Variants in ANO4 observed in about 807,000 individuals in gnomAD.
ANO4 encodes anoctamin 4.
A neutral mutation model predicts 141.9 loss-of-function variants in ANO4; 69 were observed. The observed-to-expected ratio is 0.49, with a 90% confidence interval of 0.40 to 0.59. The LOEUF (loss-of-function observed/expected upper bound fraction) is 0.59, where lower values mean the gene tolerates loss of function less well. ANO4 is among the 20% of genes least tolerant of loss of function. ANO4 has a pLI of 0.00. For missense variants in ANO4, 894 were observed against 1,162.2 expected, an observed-to-expected ratio of 0.77 and a Z score of 3.36; for synonymous variants, 350 against 394.3, an observed-to-expected ratio of 0.89 and a Z score of 1.33.
intron 14 of ANO4, among the ~76,000 whole-genome samples, chr12:101,066,275 G>A (rs1007370682): frequency 6.6e-6 from 1 of 152,122 alleles, no homozygotes; most frequent in Non-Finnish European, 1.5e-5. Flanking sequence ...AATCAAATAT[G>A]AGAAAGAAAT....
At chr12:101,109,334 A>G (rs2050570720) in intron 22 of ANO4, among the ~76,000 whole-genome samples, 1 of 152,182 alleles carries the variant, frequency 6.6e-6, no homozygotes, top group Admixed American at 6.5e-5. Flanking sequence ...AGGCCAAGGC[A>G]GGCGGATCAC....
intron 1 of ANO4, among the ~76,000 whole-genome samples, chr12:100,863,873 C>T (rs917448916): frequency 1.3e-5 from 2 of 152,162 alleles, no homozygotes; most frequent in African/African-American, 4.8e-5. Context: ...GTGGACTGAT[C>T]TCACTGCCTT....
At chr12:100,991,876 A>C (rs1027586342) in intron 8 of ANO4, among the ~76,000 whole-genome samples, 3 of 152,146 alleles carry the variant, frequency 2.0e-5, no homozygotes, top group African/African-American at 7.2e-5. Flanking sequence ...AGCTGACTGC[A>C]CACTCATCTC....
chr12:100,948,596 G>A (rs746226734), intron 5 of ANO4, among the ~76,000 whole-genome samples: 2 of 152,044 alleles, frequency 1.3e-5, no homozygotes, highest in Admixed American at 1.3e-4. Flanking sequence ...TTTGTAAAAT[G>A]ATTATTTAAA....
chr12:101,120,523 C>G lies in ANO4; in HGVS notation c.2574C>G (p.Tyr858Ter). Residue 858 changes from tyrosine to a stop codon, truncating the protein, a stop_gained, in exon 26 of 28, where the codon TAC becomes TAG. Coordinates refer to ENST00000392977, the MANE Select transcript of ANO4 (RefSeq NM_001286615.2). LOFTEE classifies it high-confidence loss of function. ...ACATTTTTCTGTGTCTTTATAGATACCGGGACTACCGTGACCCGCCTCATT... is the reference window on the plus strand; with the variant it reads ...ACATTTTTCTGTGTCTTTATAGATAGCGGGACTACCGTGACCCGCCTCATT... Reference protein sequence around the residue: ...FSGTPLKYCRYRDYRDPPHSL... With the variant: ...FSGTPLKYCR 1.3e-5 allele frequency: 21 copies of G among 1,613,314 alleles called. No individual in the cohort carries two copies. Among genetic ancestry groups the G allele is most frequent in the Non-Finnish European group, 1.8e-5 (21 of 1,179,416 alleles).
At chr12:101,001,391 A>G (rs1199982616) in intron 8 of ANO4, among the ~76,000 whole-genome samples, 1 of 152,238 alleles carries the variant, frequency 6.6e-6, no homozygotes, top group Non-Finnish European at 1.5e-5. Flanking sequence ...CCCATTGGTC[A>G]GTATTCTGTG....
At position 100,765,045 on chromosome 12, in the gene ANO4, T is replaced by C. The variant is rs142522136; in HGVS notation, c.358+24940T>C. Among the ~76,000 whole-genome samples the C allele has an allele frequency of 9.8e-5, 15 of 152,338 alleles. No individual in the cohort carries two copies. The East Asian group carries it at 2.9e-3, about 29-fold the overall frequency. Reference sequence around the variant, plus strand: ...GTTTAAGAGGGATTGGTTTTAATCCTTTAAATGTTTGGTAGACTTTACCAG... The same window carrying C: ...GTTTAAGAGGGATTGGTTTTAATCCCTTAAATGTTTGGTAGACTTTACCAG... On this transcript the variant is annotated intron_variant, in intron 3 of 29. Transcript: ENST00000644049.
chr12:101,024,932 C>T (rs1307425309), intron 9 of ANO4, among the ~76,000 whole-genome samples: 3 of 152,180 alleles, frequency 2.0e-5, no homozygotes, highest in Non-Finnish European at 4.4e-5. Flanking sequence ...AAAAGTGAAT[C>T]AGTGCATGTG....
intron 1 of ANO4, among the ~76,000 whole-genome samples, chr12:100,832,952 C>G (rs2036705548): frequency 6.6e-6 from 1 of 152,138 alleles, no homozygotes; most frequent in African/African-American, 2.4e-5. Flanking sequence ...AATATTTCAA[C>G]TCTTGTGTGA....
chr12:100,724,340 C>T (rs975767642), intron 1 of ANO4, among the ~76,000 whole-genome samples: 2 of 152,138 alleles, frequency 1.3e-5, no homozygotes, highest in African/African-American at 4.8e-5. Flanking sequence ...TTTCTTGTGC[C>T]TTCTATGCAT....
intron 1 of ANO4, among the ~76,000 whole-genome samples, chr12:100,719,376 T>C (rs541033150): frequency 6.6e-6 from 1 of 152,132 alleles, no homozygotes. Flanking sequence ...AGAAAAACAT[T>C]GAGCACATTT....
rs1194122665 is a variant in ANO4 at position 101,080,900 on chromosome 12, T to TATATATATATACAC, written c.1395+1626_1395+1627insTATATATATACACA. Among the ~76,000 whole-genome samples the TATATATATATACAC allele has an allele frequency of 3.3e-3, 428 of 130,930 alleles. 4 individuals are homozygous for TATATATATATACAC. The highest frequency in any genetic ancestry group is 7.2e-3 in the South Asian group (29 of 4,036). The allele number at this position is 130,930 out of a possible 152,430, so 85.9% of individuals were successfully genotyped here. A position where few individuals can be genotyped will look rare whatever the true frequency, so the allele number is the denominator to read the frequency against. Reference sequence around the variant, plus strand: ...TATATATATTATATATATATATATATACATACACATATACATATATATAAA... The same window carrying TATATATATATACAC: ...TATATATATTATATATATATATATATATATATATATACACACATACACATATACATATATATAAA... On this transcript the variant is annotated intron_variant, in intron 15 of 27. Coordinates refer to ENST00000392977, the MANE Select transcript of ANO4 (RefSeq NM_001286615.2).
At chr12:101,108,126 G>T (rs921757401) in intron 22 of ANO4, among the ~76,000 whole-genome samples, 2 of 152,134 alleles carry the variant, frequency 1.3e-5, no homozygotes, top group Admixed American at 1.3e-4. Flanking sequence ...AAGAGTCAGG[G>T]TTAGCGATAG....
chr12:100,795,739 A>G (rs778895534), intron 1 of ANO4, among the ~76,000 whole-genome samples: 3 of 152,208 alleles, frequency 2.0e-5, no homozygotes, highest in Non-Finnish European at 4.4e-5. Context: ...TTGAGTTGAC[A>G]ACATAGTTTT....
chr12:101,094,763 A>T (rs888716749), intron 18 of ANO4, among the ~76,000 whole-genome samples: 5 of 152,070 alleles, frequency 3.3e-5, no homozygotes, highest in African/African-American at 7.2e-5. Context: ...TGGCAGGAGG[A>T]TTCCTTGAGT....
At position 100,901,859 on chromosome 12, in the gene ANO4, C is replaced by A; in HGVS notation, c.55+19C>A. 6.3e-7 allele frequency: 1 copy of A among 1,575,560 alleles called. No homozygotes were observed. The highest frequency in any genetic ancestry group is 8.6e-7 in the Non-Finnish European group (1 of 1,160,112). On this transcript the variant is annotated intron_variant, in intron 2 of 27. Coordinates refer to ENST00000392977, the MANE Select transcript of ANO4 (RefSeq NM_001286615.2). The stretch of plus-strand genomic sequence containing the variant: ...CACCCAGGTGATGCATGGGGAAGTT[C>A]AACGGGGACCCATTTCAGTAGCAAC...
intron 1 of ANO4, among the ~76,000 whole-genome samples, chr12:100,717,813 C>G (rs1404417335): frequency 1.3e-5 from 2 of 152,222 alleles, no homozygotes; most frequent in Non-Finnish European, 2.9e-5. Flanking sequence ...AAACATTCCC[C>G]TCGCTTCCGA....
At chr12:100,963,359 T>C (rs1294641348) in intron 5 of ANO4, among the ~76,000 whole-genome samples, 3 of 151,506 alleles carry the variant, frequency 2.0e-5, no homozygotes, top group Non-Finnish European at 4.4e-5. Context: ...GGGGAGGGAG[T>C]GGCAATTTCA....
At chr12:100,782,930 C>T (rs568110031) in intron 3 of ANO4, among the ~76,000 whole-genome samples, 1 of 152,268 alleles carries the variant, frequency 6.6e-6, no homozygotes, top group African/African-American at 2.4e-5. Flanking sequence ...TGCTAATTTT[C>T]TTCACTTGGA....
Sources: allele counts gnomAD v4.1 joint callset (sites outside exome capture counted in the v4.1 genomes callset), GRCh38; gene constraint gnomAD v4.1.1; transcripts MANE v1.5; gene names NCBI Gene and HGNC (gene_info 2026-07-23, HGNC 2026-07-21).